The following FAM178B variants were observed in gnomAD, a reference collection of about 807,000 sequenced individuals.
The protein encoded by FAM178B is family with sequence similarity 178 member B.
FAM178B carries 82 observed loss-of-function variants against 91.7 expected under a neutral mutation model. That is an observed-to-expected ratio of 0.89 (90% CI 0.75 to 1.07). FAM178B has a LOEUF of 1.07. FAM178B is among the 50% of genes least tolerant of loss of function. FAM178B has a pLI of 0.00. For missense variants in FAM178B, 769 were observed against 846.7 expected (o/e 0.91, Z 1.14); for synonymous variants, 368 against 359.4 (o/e 1.02, Z -0.27).
chr2:96,899,845 C>T (rs536855551), intron 13 of FAM178B, among the ~76,000 whole-genome samples: 1 of 145,724 alleles, frequency 6.9e-6, no homozygotes, highest in South Asian at 2.2e-4. Flanking sequence ...GCCCCCATTC[C>T]CCACTCTTTT....
At chr2:96,879,619 C>T (rs1326231895) in intron 14 of FAM178B, among the ~76,000 whole-genome samples, 3 of 152,272 alleles carry the variant, frequency 2.0e-5, no homozygotes, top group Admixed American at 6.5e-5. Context: ...CCACCAGCAG[C>T]GCCCACCCTG....
At chr2:96,979,275 ATT>A (rs745659064) in intron 1 of FAM178B, among the ~76,000 whole-genome samples, 1,483 of 114,376 alleles carry the variant, frequency 0.013, 24 homozygotes, top group African/African-American at 0.048. Flanking sequence ...GCGCCCAGGC[ATT>A]TTTTTTTTTT....
chr2:96,876,126 G>A lies in FAM178B; in HGVS notation c.*150C>T, dbSNP rs1032108493. 17 of 741,016 alleles carry A rather than the reference G, an allele frequency of 2.3e-5. No individual in the cohort carries two copies. Among genetic ancestry groups the A allele is most frequent in the Non-Finnish European group, 3.5e-5 (16 of 451,240 alleles). 45.9% of individuals were successfully genotyped at this position (741,016 alleles called of 1,614,324 possible). On this transcript the variant is annotated 3_prime_UTR_variant, in exon 17 of 17. Transcript: ENST00000490605. Reference sequence around the variant, plus strand: ...GCAGGCTCTTGCAGAGAGGAGAGGGGTCGGGGCGGTGGCAGGGGCAGGCTC... The same window carrying A: ...GCAGGCTCTTGCAGAGAGGAGAGGGATCGGGGCGGTGGCAGGGGCAGGCTC...
chr2:96,916,841 C>A (rs544008740), intron 12 of FAM178B, among the ~76,000 whole-genome samples: 22 of 152,208 alleles, frequency 1.4e-4, no homozygotes, highest in South Asian at 4.1e-4. Flanking sequence ...GTCGAGCAGA[C>A]AAAGAGTGTG....
At chr2:96,978,932 T>C (rs2082325783) in intron 1 of FAM178B, among the ~76,000 whole-genome samples, 2 of 148,466 alleles carry the variant, frequency 1.3e-5, no homozygotes, top group South Asian at 2.1e-4. Flanking sequence ...GCCGATTTCA[T>C]TCTTTTTTAT....
At chr2:96,899,651 C>T (rs569782930) in intron 13 of FAM178B, among the ~76,000 whole-genome samples, 3 of 151,800 alleles carry the variant, frequency 2.0e-5, no homozygotes, top group East Asian at 1.9e-4. Context: ...GCAGCCTTGA[C>T]CTCCAGAGCT....
chr2:96,971,155 C>T (rs1461983052), intron 3 of FAM178B, among the ~76,000 whole-genome samples: 1 of 151,432 alleles, frequency 6.6e-6, no homozygotes, highest in Non-Finnish European at 1.5e-5. Context: ...GATCTGACAT[C>T]ATTCCCTATC....
At chr2:96,931,272 G>C (rs1252664106) in intron 8 of FAM178B, among the ~76,000 whole-genome samples, 2 of 152,156 alleles carry the variant, frequency 1.3e-5, no homozygotes, top group Admixed American at 6.5e-5. Context: ...CTGTGTTCAG[G>C]AACTAGCTAG....
At chr2:96,943,794 G>T (rs1264492446) in intron 8 of FAM178B, among the ~76,000 whole-genome samples, 1 of 152,164 alleles carries the variant, frequency 6.6e-6, no homozygotes, top group East Asian at 1.9e-4. Flanking sequence ...TGTTCCCACT[G>T]CTCCCTGCTT....
At chr2:96,981,167 T>C (rs756932809) in intron 1 of FAM178B, among the ~76,000 whole-genome samples, 1 of 152,106 alleles carries the variant, frequency 6.6e-6, no homozygotes, top group African/African-American at 2.4e-5. Context: ...GGTTTCACCA[T>C]GTTGTCTGGG....
Position 96,979,407 on chromosome 2 carries a change from G to A in FAM178B, c.74-6801C>T, listed in dbSNP as rs184740050. Among the ~76,000 whole-genome samples, 6 of 150,110 alleles carry A rather than the reference G, an allele frequency of 4.0e-5. No individual in the cohort carries two copies. In the Admixed American group the frequency reaches 4.0e-4, roughly 10 times the overall value. ...AGTAGAGACGGGGTTTCATCATGTT[G>A]GCCAAGCTGGTCTCAAACTCCTGAC... On this transcript the variant is annotated intron_variant, in intron 1 of 16. Transcript: ENST00000490605.
intron 5 of FAM178B, among the ~76,000 whole-genome samples, chr2:96,961,317 G>GTA (rs1454972963): frequency 6.9e-6 from 1 of 144,910 alleles, no homozygotes; most frequent in East Asian, 2.3e-4. Context: ...CAGAGGGTGT[G>GTA]TGTGTGTGTG....
At chr2:96,918,979 C>A (rs1327662390) in intron 12 of FAM178B, among the ~76,000 whole-genome samples, 1 of 152,204 alleles carries the variant, frequency 6.6e-6, no homozygotes, top group Admixed American at 6.5e-5. Context: ...CCCTCTCACG[C>A]GGGCTCTCTT....
At chr2:96,879,959 G>C (rs1274541421) in intron 14 of FAM178B, among the ~76,000 whole-genome samples, 1 of 152,362 alleles carries the variant, frequency 6.6e-6, no homozygotes, top group Non-Finnish European at 1.5e-5. Context: ...TTGCAGTCTT[G>C]CAACAGCTCA....
chr2:96,950,962 G>C (rs1298957378), intron 7 of FAM178B, among the ~76,000 whole-genome samples: 1 of 152,162 alleles, frequency 6.6e-6, no homozygotes, highest in Non-Finnish European at 1.5e-5. Context: ...TGAGGGACCT[G>C]TGATCGCTGG....
At chr2:96,877,503 AG>A (rs2080272934) in intron 16 of FAM178B, among the ~76,000 whole-genome samples, 1 of 151,914 alleles carries the variant, frequency 6.6e-6, no homozygotes, top group African/African-American at 2.4e-5. Context: ...CCTGGGTTCA[AG>A]GGATTCTCCT....
intron 12 of FAM178B, among the ~76,000 whole-genome samples, chr2:96,915,020 G>C: frequency 6.6e-6 from 1 of 152,246 alleles, no homozygotes; most frequent in East Asian, 1.9e-4. Context: ...GAGTCTCCAC[G>C]GCTGTGTTTG....
chr2:96,947,693 T>C, intron 8 of FAM178B, 125 bp downstream of exon 8: 1 of 615,410 alleles, frequency 1.6e-6, no homozygotes, highest in South Asian at 2.1e-5. Flanking sequence ...GCCTGATGCC[T>C]CTACACCCTG....
chr2:96,901,317 C>T (rs922983624), intron 13 of FAM178B, among the ~76,000 whole-genome samples: 10 of 151,816 alleles, frequency 6.6e-5, no homozygotes, highest in African/African-American at 2.2e-4. Context: ...GGATTACAGG[C>T]GCCTGCCAGC....
Sources: allele counts gnomAD v4.1 joint callset (sites outside exome capture counted in the v4.1 genomes callset), GRCh38; gene constraint gnomAD v4.1.1; transcripts MANE v1.5; gene names NCBI Gene and HGNC (gene_info 2026-07-23, HGNC 2026-07-21).